CDKAL1: variants seen among roughly 807,000 people sequenced by gnomAD.
CDKAL1 encodes the protein CDKAL1 threonylcarbamoyladenosine tRNA methylthiotransferase, also known as threonylcarbamoyladenosine tRNA methylthiotransferase.
Under a neutral mutation model 68.2 loss-of-function variants are expected in CDKAL1, and 32 were observed. That is an observed-to-expected ratio of 0.47 (90% confidence interval 0.35 to 0.63). The LOEUF (loss-of-function observed/expected upper bound fraction) is 0.63. Ranked by LOEUF, CDKAL1 falls within the 30% of genes least tolerant of loss-of-function variation. The pLI is 0.00. For missense variants in CDKAL1, 606 were observed against 696.7 expected (o/e 0.87, Z 1.47); for synonymous variants, 234 against 244.3 (o/e 0.96, Z 0.39).
chr6:21,045,358 T>C (rs1770166357), intron 11 of CDKAL1, among the ~76,000 whole-genome samples: 1 of 152,216 alleles, frequency 6.6e-6, no homozygotes, highest in Admixed American at 6.5e-5. Context: ...TAATCAGTGC[T>C]ACTTTCTAGA....
chr6:21,120,975 G>T (rs567587253), intron 13 of CDKAL1, among the ~76,000 whole-genome samples: 1 of 152,206 alleles, frequency 6.6e-6, no homozygotes, highest in South Asian at 2.1e-4. Flanking sequence ...TAAATTCCTA[G>T]AAGTGAATAT....
At chr6:20,572,556 A>G (rs1307180191) in intron 4 of CDKAL1, among the ~76,000 whole-genome samples, 1 of 152,172 alleles carries the variant, frequency 6.6e-6, no homozygotes, top group Non-Finnish European at 1.5e-5. Flanking sequence ...CTTCAGAAGC[A>G]GTTTACATAG....
intron 7 of CDKAL1, among the ~76,000 whole-genome samples, chr6:20,777,328 A>G (rs777471033): frequency 3.8e-4 from 58 of 152,342 alleles, no homozygotes; most frequent in South Asian, 8.3e-4. Context: ...AAAAAACAAC[A>G]TAGGCCAGGT....
chr6:21,010,843 G>T (rs943210142), intron 11 of CDKAL1, among the ~76,000 whole-genome samples: 46 of 152,156 alleles, frequency 3.0e-4, no homozygotes, highest in African/African-American at 1.1e-3. Flanking sequence ...CAGCACTTTG[G>T]GAGGCCGAGG....
At chr6:20,664,236 G>A (rs777975164) in intron 5 of CDKAL1, among the ~76,000 whole-genome samples, 9 of 152,114 alleles carry the variant, frequency 5.9e-5, no homozygotes, top group East Asian at 1.9e-4. Flanking sequence ...TTGTGTGCAT[G>A]TGTGCTCGCA....
chr6:20,889,468 T>C (rs1288625530), intron 9 of CDKAL1, among the ~76,000 whole-genome samples: 1 of 152,026 alleles, frequency 6.6e-6, no homozygotes, highest in African/African-American at 2.4e-5. Flanking sequence ...CTGAATGGTA[T>C]TGCCTAGGTT....
intron 9 of CDKAL1, among the ~76,000 whole-genome samples, chr6:20,919,279 C>T (rs1016688283): frequency 5.9e-5 from 9 of 152,156 alleles, no homozygotes; most frequent in South Asian, 2.1e-4. Flanking sequence ...ATTTAAATCA[C>T]GATCAGAGAC....
At chr6:20,860,717 A>G (rs9350292) in intron 9 of CDKAL1, among the ~76,000 whole-genome samples, 113,066 of 151,650 alleles carry the variant, frequency 0.75, 42,265 homozygotes, top group Non-Finnish European at 0.76. Flanking sequence ...CCAGCTACTC[A>G]GGAGACTGAG....
At chr6:20,814,519 A>T (rs971366380) in intron 8 of CDKAL1, among the ~76,000 whole-genome samples, 3 of 152,174 alleles carry the variant, frequency 2.0e-5, no homozygotes, top group Admixed American at 2.0e-4. Flanking sequence ...GCTTCGGGTG[A>T]TCCACCTGCG....
chr6:20,686,758 C>G (rs1279167247), intron 5 of CDKAL1, among the ~76,000 whole-genome samples: 1 of 152,044 alleles, frequency 6.6e-6, no homozygotes, highest in African/African-American at 2.4e-5. Flanking sequence ...ACATTTTTGT[C>G]TTTGTTCGTG....
At chr6:21,066,440 T>C (rs1771443371) in intron 12 of CDKAL1, among the ~76,000 whole-genome samples, 1 of 152,194 alleles carries the variant, frequency 6.6e-6, no homozygotes, top group African/African-American at 2.4e-5. Flanking sequence ...TTTTCTTCTA[T>C]ATCACAAGTA....
chr6:20,611,520 T>C (rs1766615965), intron 4 of CDKAL1, among the ~76,000 whole-genome samples: 2 of 152,212 alleles, frequency 1.3e-5, no homozygotes, highest in Admixed American at 6.5e-5. Flanking sequence ...GTTATGTATT[T>C]CAGTTTAAAA....
At chr6:20,961,800 AC>A (rs1313400069) in intron 10 of CDKAL1, among the ~76,000 whole-genome samples, 3 of 151,758 alleles carry the variant, frequency 2.0e-5, no homozygotes, top group East Asian at 1.9e-4. Context: ...CAAAAAAAAA[AC>A]ATCAAGTACT....
intron 4 of CDKAL1, among the ~76,000 whole-genome samples, chr6:20,555,687 A>T (rs1328014217): frequency 7.4e-5 from 10 of 134,678 alleles, no homozygotes; most frequent in Non-Finnish European, 1.1e-4. Flanking sequence ...CAGTGGCGCT[A>T]TCTTAGCTCG....
chr6:20,756,876 CTTCCTTCCTT>C lies in CDKAL1; in HGVS notation c.469-1718_469-1709del, dbSNP rs1561750205. On this transcript the variant is annotated intron_variant, in intron 6 of 15. Transcript: ENST00000274695. ...CTCCCCTTCCTTCCTTCCTTCCTTCCTTCCTTCCTTCCTTCCTTCCTTCCTTCCTTCCTTC... is the reference window on the plus strand; with the variant it reads ...CTCCCCTTCCTTCCTTCCTTCCTTCCCCTTCCTTCCTTCCTTCCTTCCTTC... 299 of 74,312 alleles carry C rather than the reference CTTCCTTCCTT, an allele frequency of 4.0e-3. 1 individual carries two copies. Among genetic ancestry groups the C allele is most frequent in the African/African-American group, 0.013 (268 of 20,148 alleles). 4.6% of individuals were successfully genotyped at this position (74,312 alleles called of 1,614,324 possible).
chr6:20,847,514 T>C (rs967718311), intron 9 of CDKAL1, among the ~76,000 whole-genome samples: 12 of 152,212 alleles, frequency 7.9e-5, no homozygotes, highest in African/African-American at 2.7e-4. Context: ...AGTACTTTTT[T>C]TAACATCATG....
chr6:21,018,326 C>T (rs1176723904), intron 11 of CDKAL1, among the ~76,000 whole-genome samples: 1 of 152,134 alleles, frequency 6.6e-6, no homozygotes, highest in African/African-American at 2.4e-5. Flanking sequence ...TGCAGTCAGG[C>T]TTTGTTTGGT....
chr6:20,695,136 A>G (rs551322657), intron 5 of CDKAL1, among the ~76,000 whole-genome samples: 95 of 152,270 alleles, frequency 6.2e-4, no homozygotes, highest in African/African-American at 2.1e-3. Context: ...CCAGCCAGCA[A>G]TTCTGAAAGA....
chr6:21,040,739 A>G (rs1279913594), intron 11 of CDKAL1, among the ~76,000 whole-genome samples: 1 of 152,222 alleles, frequency 6.6e-6, no homozygotes, highest in African/African-American at 2.4e-5. Flanking sequence ...TACTAAGAAT[A>G]AATGACATAA....
Sources: allele counts gnomAD v4.1 joint callset (sites outside exome capture counted in the v4.1 genomes callset), GRCh38; gene constraint gnomAD v4.1.1; transcripts MANE v1.5; gene names NCBI Gene and HGNC (gene_info 2026-07-23, HGNC 2026-07-21).